CACNA1S: variants seen among roughly 807,000 people sequenced by gnomAD.
The protein encoded by CACNA1S is calcium voltage-gated channel subunit alpha1 S, also known as voltage-dependent L-type calcium channel subunit alpha-1S.
A neutral mutation model predicts 207.4 loss-of-function variants in CACNA1S; 126 were observed. That is an observed-to-expected ratio of 0.61 (90% confidence interval 0.53 to 0.70). The LOEUF (loss-of-function observed/expected upper bound fraction) is 0.70. Ranked by LOEUF, CACNA1S falls within the 30% of genes least tolerant of loss-of-function variation. The probability of loss-of-function intolerance (pLI) is 0.00; values close to 1 mark genes in which losing one functional copy is unlikely to be tolerated. For missense variants in CACNA1S, 2,349 were observed against 2,422.8 expected, an observed-to-expected ratio of 0.97 and a Z score of 0.64; for synonymous variants, 960 against 932.7, an observed-to-expected ratio of 1.03 and a Z score of -0.53.
chr1:201,053,239 G>A lies in CACNA1S; in HGVS notation c.3831C>T (p.Leu1277=), dbSNP rs772723904. The change falls in exon 31 of 44, where the codon CTC becomes CTT. Residue 1277 remains leucine (L), a synonymous_variant. Transcript: ENST00000362061. This position sits in a 1 kb window ranked among gnomAD's most constrained non-coding sequence, Gnocchi z 5.1. ...LPYVALLIVM[L]FFIYAVIGMQ... is the part of the protein sequence containing the mutation. ...TGCCGATGACAGCGTAGATGAAGAA[G>A]AGCATGACGATGAGCAGAGCCACGT... 1 of 1,614,124 alleles carries A rather than the reference G, an allele frequency of 6.2e-7. No individual in the cohort carries two copies. The highest frequency in any genetic ancestry group is 1.3e-5 in the African/African-American group (1 of 74,946).
At chr1:201,086,764 T>C (rs997798097) in intron 7 of CACNA1S, among the ~76,000 whole-genome samples, 1 of 152,370 alleles carries the variant, frequency 6.6e-6, no homozygotes, top group South Asian at 2.1e-4. Flanking sequence ...ATTAGCAAGA[T>C]CTAGCTGCAG....
chr1:201,101,889 A>AC (rs1334190971), intron 2 of CACNA1S, among the ~76,000 whole-genome samples: 2 of 139,166 alleles, frequency 1.4e-5, no homozygotes, highest in Non-Finnish European at 3.2e-5. Flanking sequence ...TAACAAGTCC[A>AC]AAAAAAAAAA....
chr1:201,041,393 C>T (rs1660190966), intron 41 of CACNA1S, 111 bp downstream of exon 41: 1 of 805,424 alleles, frequency 1.2e-6, no homozygotes, highest in Admixed American at 2.0e-5. Context: ...TTGTAACAGG[C>T]TCCCAAGCCA....
chr1:201,087,942 G>C lies in CACNA1S; in HGVS notation c.901-13C>G. 1.9e-6 allele frequency: 3 copies of C among 1,563,386 alleles called. No individual in the cohort carries two copies. Among genetic ancestry groups the C allele is most frequent in the Non-Finnish European group, 2.6e-6 (3 of 1,135,150 alleles). On this transcript the variant is annotated splice_polypyrimidine_tract_variant and intron_variant, in intron 6 of 43. Transcript: ENST00000362061. Reference sequence around the variant, plus strand: ...TGGCATCATTGACCTGGTCAGGACAGAAGTGTGATCCTCTGAGTTGAGGGC... The same window carrying C: ...TGGCATCATTGACCTGGTCAGGACACAAGTGTGATCCTCTGAGTTGAGGGC...
chr1:201,099,170 T>A (rs6699862), intron 2 of CACNA1S, among the ~76,000 whole-genome samples: 1 of 152,110 alleles, frequency 6.6e-6, no homozygotes, highest in Non-Finnish European at 1.5e-5. Context: ...GCTGGTTGGG[T>A]TTTCCTCCAA....
rs778105504 is a variant in CACNA1S at position 201,049,063 on chromosome 1, C to G, written c.4278G>C (p.Leu1426=). The G allele has an allele frequency of 1.9e-6, 3 of 1,613,722 alleles. No homozygotes were observed. Reference sequence around the variant, plus strand: ...AGCCCAGAGGGGGCTGAATCCTTCTCAGCAGGGTCACCACGTCCAGGTGTT... The same window carrying G: ...AGCCCAGAGGGGGCTGAATCCTTCTGAGCAGGGTCACCACGTCCAGGTGTT... ...RIKHLDVVTL[L]RRIQPPLGFG... The change falls in exon 35 of 44, where the codon CTG becomes CTC. Residue 1426 remains leucine, a synonymous_variant. Transcript: ENST00000362061.
At position 201,043,796 on chromosome 1, in the gene CACNA1S, G is replaced by C. The variant is rs550211619; in HGVS notation, c.4798-265C>G. ...CAGAAGAGAAGTGTGGTGTAGGGGAGAGAGGGCTGAATCGGGAGTCTGCAG... is the reference window on the plus strand; with the variant it reads ...CAGAAGAGAAGTGTGGTGTAGGGGACAGAGGGCTGAATCGGGAGTCTGCAG... On this transcript the variant is annotated intron_variant, in intron 39 of 43. Coordinates refer to ENST00000362061, the MANE Select transcript of CACNA1S (RefSeq NM_000069.3). 2.6e-5 allele frequency among the ~76,000 whole-genome samples: 4 copies of C among 152,234 alleles called. No individual in the cohort carries two copies. The East Asian group carries it at 5.8e-4, about 22-fold the overall frequency.
rs542748324 is a variant in CACNA1S at position 201,050,580 on chromosome 1, G to A, written c.4114-64C>T. 2.5e-6 allele frequency: 4 copies of A among 1,601,658 alleles called. No homozygotes were observed. The African/African-American group carries it at 5.4e-5, about 21-fold the overall frequency. On this transcript the variant is annotated intron_variant, in intron 33 of 43. Transcript: ENST00000362061. ...CAGGTGGTACAGGGTTAGGGTGGGG[G>A]AGCTGGGAGGTGTCCACTGGCCCAC...
intron 41 of CACNA1S, 33 bp from the exon 42 acceptor site, chr1:201,040,746 C>T (rs376317785): frequency 4.5e-6 from 7 of 1,551,930 alleles, no homozygotes; most frequent in Non-Finnish European, 6.2e-6. Context: ...ATAAGAGGGG[C>T]TGCTGACTCC....
At chr1:201,070,547 A>G in intron 16 of CACNA1S, 143 bp from the exon 17 acceptor site, 2 of 1,077,876 alleles carry the variant, frequency 1.9e-6, no homozygotes, top group Non-Finnish European at 2.8e-6. Context: ...GGGCTTTGGC[A>G]GAGTCCAGCC....
chr1:201,058,079 G>GTCA (rs1218945724), intron 28 of CACNA1S, among the ~76,000 whole-genome samples: 1 of 152,132 alleles, frequency 6.6e-6, no homozygotes, highest in South Asian at 2.1e-4. Context: ...TCCAGCTCCA[G>GTCA]TCACCACCTC....
chr1:201,078,949 C>A (rs1463874636), intron 10 of CACNA1S, among the ~76,000 whole-genome samples: 1 of 151,906 alleles, frequency 6.6e-6, no homozygotes, highest in East Asian at 1.9e-4. Context: ...GGTAAAACCC[C>A]CTCTCTACTA....
intron 7 of CACNA1S, among the ~76,000 whole-genome samples, chr1:201,086,684 G>C (rs890754383): frequency 6.6e-6 from 1 of 152,242 alleles, no homozygotes; most frequent in Non-Finnish European, 1.5e-5. Context: ...GCACATGACT[G>C]TATGTTAAAA....
At chr1:201,052,346 C>T (rs551363836) in intron 32 of CACNA1S, among the ~76,000 whole-genome samples, 87 of 152,306 alleles carry the variant, frequency 5.7e-4, no homozygotes, top group Admixed American at 1.0e-3. Context: ...CAAAATAAAG[C>T]TGTGGGACCA....
intron 2 of CACNA1S, among the ~76,000 whole-genome samples, chr1:201,107,564 T>C (rs1348882077): frequency 6.6e-6 from 1 of 152,214 alleles, no homozygotes; most frequent in African/African-American, 2.4e-5. Context: ...ATGCATTCGT[T>C]AAATGAATGA....
intron 1 of CACNA1S, 36 bp from the exon 2 acceptor site, chr1:201,110,305 CA>C: frequency 6.3e-7 from 1 of 1,582,212 alleles, no homozygotes; most frequent in Non-Finnish European, 8.7e-7. Flanking sequence ...TCGAGTGAGG[CA>C]AGGGACTTAC....
In CACNA1S at chr1:201,068,231, C is replaced by CTTTT. The variant is rs60151209; in HGVS notation, c.2550+902_2550+905dup. Among the ~76,000 whole-genome samples, 8 of 47,010 alleles carry CTTTT rather than the reference C, an allele frequency of 1.7e-4. 1 individual carries two copies. Among genetic ancestry groups the CTTTT allele is most frequent in the Non-Finnish European group, 2.2e-4 (6 of 27,608 alleles). The allele number at this position is 47,010 out of a possible 152,430, so 30.8% of individuals were successfully genotyped here. A position where few individuals can be genotyped will look rare whatever the true frequency, so the allele number is the denominator to read the frequency against. On this transcript the variant is annotated intron_variant, in intron 19 of 43. Transcript: ENST00000362061. ...AATCACACAGCTCCCCGGCTCTGCT[C>CTTTT]TTTTTTTTTTTTTTTTTTTTTTTTT...
rs1484290577 is a variant in CACNA1S at position 201,072,841 on chromosome 1, A to G, written c.2158-17T>C. On this transcript the variant is annotated splice_polypyrimidine_tract_variant and intron_variant, in intron 15 of 43. Transcript: ENST00000362061. ...GATTTTCAGCTGTAGGAAGGAACAC[A>G]ATGACTATAACAATGAAAAAGAAGT... The G allele has an allele frequency of 1.9e-6, 3 of 1,604,498 alleles. No individual in the cohort carries two copies. Among genetic ancestry groups the G allele is most frequent in the Non-Finnish European group, 2.6e-6 (3 of 1,171,296 alleles).
At chr1:201,051,235 G>A in intron 32 of CACNA1S, 92 bp from the exon 33 acceptor site, 2 of 1,242,294 alleles carry the variant, frequency 1.6e-6, no homozygotes, top group East Asian at 4.6e-5. Flanking sequence ...GTGGACAGAT[G>A]AGCAAACTGG....
Sources: allele counts gnomAD v4.1 joint callset (sites outside exome capture counted in the v4.1 genomes callset), GRCh38; gene constraint gnomAD v4.1.1; non-coding constraint Gnocchi (gnomAD v3.1); transcripts MANE v1.5; gene names NCBI Gene and HGNC (gene_info 2026-07-23, HGNC 2026-07-21).